GANC: variants seen among roughly 807,000 people sequenced by gnomAD.
GANC encodes the protein glucosidase alpha, neutral C.
A neutral mutation model predicts 124.2 loss-of-function variants in GANC; 117 were observed. The observed-to-expected ratio is 0.94, with a 90% CI of 0.81 to 1.10. The LOEUF is 1.10. Among genes scored for constraint, GANC ranks in the 50% least tolerant of loss-of-function variants. GANC has a pLI of 0.00. For missense variants in GANC, 1,140 were observed against 1,095.0 expected, an observed-to-expected ratio of 1.04 and a Z score of -0.58; for synonymous variants, 377 against 376.8, an observed-to-expected ratio of 1.00 and a Z score of -0.01.
At chr15:42,336,128 A>G (rs2052280964) in intron 15 of GANC, among the ~76,000 whole-genome samples, 1 of 143,376 alleles carries the variant, frequency 7.0e-6, no homozygotes, top group South Asian at 2.2e-4. Context: ...TTTAAAATTC[A>G]TATTGAACCA....
At chr15:42,327,606 G>A in intron 13 of GANC, 164 bp downstream of exon 13, 2 of 579,736 alleles carry the variant, frequency 3.4e-6, no homozygotes, top group Non-Finnish European at 3.0e-6. Flanking sequence ...GGGGGTGCTG[G>A]GAGAGGTGCC....
chr15:42,281,545 C>T (rs2051734197), intron 3 of GANC, among the ~76,000 whole-genome samples: 1 of 151,974 alleles, frequency 6.6e-6, no homozygotes, highest in Non-Finnish European at 1.5e-5. Flanking sequence ...ATTAGCCAGG[C>T]AGGGTGATGC....
intron 3 of GANC, among the ~76,000 whole-genome samples, chr15:42,286,365 T>A (rs968116485): frequency 6.6e-6 from 1 of 152,188 alleles, no homozygotes; most frequent in African/African-American, 2.4e-5. Flanking sequence ...ATTGCAATAA[T>A]AGATGCCAAA....
intron 1 of GANC, among the ~76,000 whole-genome samples, chr15:42,274,952 T>C (rs1197422983): frequency 6.6e-6 from 1 of 152,144 alleles, no homozygotes; most frequent in Non-Finnish European, 1.5e-5. Flanking sequence ...CAATCAGAAC[T>C]CTTAACACGT....
At chr15:42,340,432 C>A (rs2052320478) in intron 17 of GANC, among the ~76,000 whole-genome samples, 1 of 151,896 alleles carries the variant, frequency 6.6e-6, no homozygotes, top group Admixed American at 6.6e-5. Context: ...TATGATGAAA[C>A]CCTGTCTCTA....
At chr15:42,340,508 G>A (rs540358687) in intron 17 of GANC, among the ~76,000 whole-genome samples, 182 bp from the exon 18 acceptor site, 2 of 151,790 alleles carry the variant, frequency 1.3e-5, no homozygotes, top group East Asian at 3.9e-4. Context: ...GGAGACCGAG[G>A]CAGGAGAATC....
Position 42,340,671 on chromosome 15 carries a change from A to T in GANC, c.2088-19A>T, listed in dbSNP as rs201327611. ...AGATGTCTATAATGTTAAAACAATA[A>T]TTTTTTTTCTTTCCCCAGGCCTCTG... On this transcript the variant is annotated intron_variant, in intron 17 of 23. Transcript: ENST00000318010. The T allele has an allele frequency of 2.1e-4, 323 of 1,567,500 alleles. No individual in the cohort carries two copies. The African/African-American group carries it at 3.4e-3, about 16-fold the overall frequency.
rs145199858 is a variant in GANC at position 42,308,288 on chromosome 15, A to G, written c.692A>G (p.His231Arg). 7.6e-4 allele frequency: 1,217 copies of G among 1,609,240 alleles called. No individual in the cohort carries two copies. Among genetic ancestry groups the G allele is most frequent in the Non-Finnish European group, 9.3e-4 (1,094 of 1,176,348 alleles). ...GAGCATCTTTATGGGATCCCACAACATGCAGAATCACACCAACTTAAAAAT... is the reference window on the plus strand; with the variant it reads ...GAGCATCTTTATGGGATCCCACAACGTGCAGAATCACACCAACTTAAAAAT... ...GFEHLYGIPQHAESHQLKNTG... is the reference protein window; with the variant it reads ...GFEHLYGIPQRAESHQLKNTG... The change falls in exon 8 of 24, where the codon CAT becomes CGT. Residue 231 changes from histidine (H) to arginine (R), a missense_variant. Coordinates refer to ENST00000318010, the MANE Select transcript of GANC (RefSeq NM_198141.3).
chr15:42,331,988 A>T (rs1197841916), intron 15 of GANC, among the ~76,000 whole-genome samples: 1 of 152,172 alleles, frequency 6.6e-6, no homozygotes, highest in Non-Finnish European at 1.5e-5. Flanking sequence ...ATATGTTCAT[A>T]TAATCAAATC....
intron 10 of GANC, 97 bp downstream of exon 10, chr15:42,310,943 A>T (rs903626623): frequency 4.6e-6 from 6 of 1,318,406 alleles, no homozygotes; most frequent in Non-Finnish European, 2.1e-6. Flanking sequence ...TACTATGTAG[A>T]GTTTATAACT....
chr15:42,351,982 T>C, intron 23 of GANC, 48 bp from the exon 24 acceptor site: 1 of 1,609,026 alleles, frequency 6.2e-7, no homozygotes, highest in Non-Finnish European at 8.5e-7. Flanking sequence ...GACTTTTCCC[T>C]TCTAGAGATT....
chr15:42,322,492 G>T (rs2052168322), intron 11 of GANC, among the ~76,000 whole-genome samples: 1 of 152,160 alleles, frequency 6.6e-6, no homozygotes, highest in South Asian at 2.1e-4. Flanking sequence ...AGCGGGTGGG[G>T]ACAGGGCAAG....
chr15:42,343,702 A>C (rs927440340), intron 19 of GANC, among the ~76,000 whole-genome samples: 4 of 152,150 alleles, frequency 2.6e-5, no homozygotes, highest in African/African-American at 7.2e-5. Context: ...AGCCCAGGGC[A>C]CTGAACCCAG....
At chr15:42,326,185 A>T in intron 11 of GANC, 113 bp from the exon 12 acceptor site, 2 of 705,240 alleles carry the variant, frequency 2.8e-6, no homozygotes, top group South Asian at 3.7e-5. Context: ...ATATTTCAAT[A>T]CTAGTTGTAG....
rs1595779470 is a variant in GANC at position 42,327,266 on chromosome 15, C to T, written c.1421-97C>T. The T allele has an allele frequency of 1.8e-5, 15 of 854,840 alleles. No individual in the cohort carries two copies. The East Asian group carries it at 4.1e-4, about 23-fold the overall frequency. The allele number at this position is 854,840 out of a possible 1,614,324, so 53.0% of individuals were successfully genotyped here. Reference sequence around the variant, plus strand: ...CAACTTTCGTGTTTATGTAAGGTGCCCATTTCCCAGCTCTCACATCTGATA... The same window carrying T: ...CAACTTTCGTGTTTATGTAAGGTGCTCATTTCCCAGCTCTCACATCTGATA... On this transcript the variant is annotated intron_variant, in intron 12 of 23. Coordinates refer to ENST00000318010, the MANE Select transcript of GANC (RefSeq NM_198141.3).
At chr15:42,302,322 C>T (rs897593897) in intron 6 of GANC, among the ~76,000 whole-genome samples, 10 of 152,144 alleles carry the variant, frequency 6.6e-5, no homozygotes, top group Non-Finnish European at 1.3e-4. Context: ...ACAAAAAGGA[C>T]GTCCACACAA....
At chr15:42,320,973 CTT>C (rs2052150995) in intron 10 of GANC, among the ~76,000 whole-genome samples, 3 of 152,296 alleles carry the variant, frequency 2.0e-5, no homozygotes, top group African/African-American at 7.2e-5. Context: ...CTCCCATTCT[CTT>C]TGTTTTTGTG....
rs1482153791 is a variant in GANC, at chr15:42,273,342, A to G, written c.-1140A>G. On this transcript the variant is annotated 5_prime_UTR_variant, in exon 1 of 24. The change abolishes the stop of an existing upstream ORF in the 5' untranslated region. Coordinates refer to ENST00000318010, the MANE Select transcript of GANC (RefSeq NM_198141.3). Reference sequence around the variant, plus strand: ...TGAAAAACGACAGTGGTGACGGGTGAGCTCCCAGAAGCAGAAGAATGACAG... The same window carrying G: ...TGAAAAACGACAGTGGTGACGGGTGGGCTCCCAGAAGCAGAAGAATGACAG... The G allele has an allele frequency of 6.2e-7, 1 of 1,613,962 alleles. No individual in the cohort carries two copies. Among genetic ancestry groups the G allele is most frequent in the African/African-American group, 1.3e-5 (1 of 74,896 alleles).
At position 42,329,412 on chromosome 15, in the gene GANC, A is replaced by T; in HGVS notation, c.1607A>T (p.Glu536Val). Residue 536 changes from glutamate (E) to valine (V), a missense_variant, in exon 14 of 24, where the codon GAG (glutamate) becomes GTG (valine). Physicochemically the swap from Glu to Val is moderately radical, Grantham distance 121 (BLOSUM62 -2). Transcript: ENST00000318010. The stretch of plus-strand genomic sequence containing the variant: ...AATGCCATTCATCATGGCAATTGGG[A>T]GCACAGAGAGCTCCACAACATCTAC... ...QKNAIHHGNW[E>V]HRELHNIYGF... 1.2e-6 allele frequency: 2 copies of T among 1,613,612 alleles called. No individual in the cohort carries two copies. The highest frequency in any genetic ancestry group is 1.7e-6 in the Non-Finnish European group (2 of 1,179,824).
Sources: gnomAD v4.1 joint callset for allele counts (sites outside exome capture counted in the v4.1 genomes callset) on GRCh38, gnomAD v4.1.1 for gene constraint, MANE v1.5 for transcripts, NCBI Gene and HGNC (gene_info 2026-07-23, HGNC 2026-07-21) for gene names.